KAT7: variants seen among roughly 807,000 people sequenced by gnomAD.
The protein encoded by KAT7 is histone acetyltransferase KAT7.
A neutral mutation model predicts 82.1 loss-of-function variants in KAT7; 10 were observed. The observed-to-expected ratio is 0.12, with a 90% CI of 0.08 to 0.21. KAT7 has a LOEUF of 0.21. Among genes scored for constraint, KAT7 ranks in the 10% least tolerant of loss-of-function variants. The pLI is 1.00. For missense variants in KAT7, 378 were observed against 760.9 expected, an observed-to-expected ratio of 0.50 and a Z score of 5.92; for synonymous variants, 250 against 262.5, an observed-to-expected ratio of 0.95 and a Z score of 0.46.
chr17:49,794,538 G>A (rs2073930482), intron 2 of KAT7, among the ~76,000 whole-genome samples: 1 of 152,084 alleles, frequency 6.6e-6, no homozygotes, highest in South Asian at 2.1e-4. Context: ...TGCCCGCCTC[G>A]GCCTCCCAAA....
chr17:49,826,158 A>T lies in KAT7; in HGVS notation c.1627+12A>T, dbSNP rs777934048. ...GATTTCTATCAAAGGTTGGTTTTTG[A>T]CTCCTTGGAATGGTTGATTGTTACC... On this transcript the variant is annotated intron_variant, in intron 13 of 14. Transcript: ENST00000259021. 6.2e-7 allele frequency: 1 copy of T among 1,611,602 alleles called. No homozygotes were observed. Among genetic ancestry groups the T allele is most frequent in the Non-Finnish European group, 8.5e-7 (1 of 1,178,260 alleles).
At chr17:49,796,626 A>T in intron 2 of KAT7, 124 bp from the exon 3 acceptor site, 1 of 668,712 alleles carries the variant, frequency 1.5e-6, no homozygotes, top group Middle Eastern at 4.4e-4. Context: ...TAGATATTTT[A>T]AGGATTTGTT....
chr17:49,803,262 C>A (rs965908204), intron 4 of KAT7, among the ~76,000 whole-genome samples: 1 of 151,632 alleles, frequency 6.6e-6, no homozygotes, highest in Non-Finnish European at 1.5e-5. Flanking sequence ...GCATGCATCA[C>A]CATGCTGGTC....
chr17:49,829,721 G>A lies in KAT7; in HGVS notation c.*2219G>A, dbSNP rs992715926. The A allele has an allele frequency of 1.3e-5, 2 of 152,140 alleles. No individual in the cohort carries two copies. Among genetic ancestry groups the A allele is most frequent in the African/African-American group, 4.8e-5 (2 of 41,420 alleles). The allele number at this position is 152,140 out of a possible 1,614,324, so 9.4% of individuals were successfully genotyped here. A position where few individuals can be genotyped will look rare whatever the true frequency, so the allele number is the denominator to read the frequency against. ...AGTAGTGGTGAGAACCCATACAGTT[G>A]AAGTTTTTTGCACAGTCCTGATCCC... is the stretch of plus-strand genomic sequence containing the variant. On this transcript the variant is annotated 3_prime_UTR_variant, in exon 15 of 15. Coordinates refer to ENST00000259021, the MANE Select transcript of KAT7 (RefSeq NM_007067.5).
intron 2 of KAT7, among the ~76,000 whole-genome samples, chr17:49,794,246 T>A (rs1240185546): frequency 6.6e-6 from 1 of 151,824 alleles, no homozygotes; most frequent in Non-Finnish European, 1.5e-5. Context: ...AGCCCAGAGG[T>A]GGGACAGCCA....
intron 8 of KAT7, 65 bp downstream of exon 8, chr17:49,815,978 T>C (rs910545662): frequency 2.2e-6 from 2 of 915,446 alleles, no homozygotes; most frequent in Admixed American, 1.9e-5. Flanking sequence ...CCAGGAAAAA[T>C]GATTGCAAAT....
At position 49,811,511 on chromosome 17, in the gene KAT7, A is replaced by T. The variant is rs1485878514; in HGVS notation, c.789A>T (p.Lys263Asn). Residue 263 changes from lysine to asparagine, a missense_variant, in exon 7 of 15, where the codon AAA becomes AAT. By Grantham distance (94) the Lys-to-Asn change is moderately conservative (BLOSUM62 0). Coordinates refer to ENST00000259021, the MANE Select transcript of KAT7 (RefSeq NM_007067.5). ...AGAGACAGCTTCGATATAAGGAAAAAGTGGCTGAACTCAGGAAGAAAAGAA... is the reference window on the plus strand; with the variant it reads ...AGAGACAGCTTCGATATAAGGAAAATGTGGCTGAACTCAGGAAGAAAAGAA... ...PTERQLRYKE[K>N]VAELRKKRNS... 6.4e-7 allele frequency: 1 copy of T among 1,555,768 alleles called. No individual in the cohort carries two copies. Among genetic ancestry groups the T allele is most frequent in the East Asian group, 2.3e-5 (1 of 42,856 alleles).
chr17:49,821,535 C>G (rs1693952115), intron 10 of KAT7, 109 bp downstream of exon 10: 1 of 1,513,120 alleles, frequency 6.6e-7, no homozygotes, highest in African/African-American at 1.4e-5. Context: ...GAACTCTTCT[C>G]TTGCCAAAAT....
At chr17:49,808,184 C>T (rs1479331849) in intron 5 of KAT7, among the ~76,000 whole-genome samples, 1 of 140,910 alleles carries the variant, frequency 7.1e-6, no homozygotes, top group Non-Finnish European at 1.5e-5. Flanking sequence ...TGCATTGGTG[C>T]AATCTCAGCT....
At chr17:49,823,733 T>C (rs576276042) in intron 12 of KAT7, 16 of 154,912 alleles carry the variant, frequency 1.0e-4, no homozygotes, top group South Asian at 4.0e-4. Flanking sequence ...GCTTACTCAC[T>C]AAATTTTATT....
rs2074416386 is a variant in KAT7, at chr17:49,830,449, A to G, written c.*2947A>G. 6.6e-6 allele frequency: 1 copy of G among 151,998 alleles called. No homozygotes were observed. Among genetic ancestry groups the G allele is most frequent in the South Asian group, 2.1e-4 (1 of 4,818 alleles). 9.4% of individuals were successfully genotyped at this position (151,998 alleles called of 1,614,324 possible). On this transcript the variant is annotated 3_prime_UTR_variant, in exon 15 of 15. Transcript: ENST00000259021. Reference sequence around the variant, plus strand: ...AGTGATCACCCGCCTCATCCTCCCAAAGTGCTGGGATTACAGCCGTGAGCC... The same window carrying G: ...AGTGATCACCCGCCTCATCCTCCCAGAGTGCTGGGATTACAGCCGTGAGCC...
At position 49,817,993 on chromosome 17, in the gene KAT7, G is replaced by A. The variant is rs760864168; in HGVS notation, c.1137G>A (p.Thr379=). The change falls in exon 9 of 15, where the codon ACG becomes ACA. Residue 379 remains threonine (T), a synonymous_variant. Transcript: ENST00000259021. The part of the protein sequence containing the change: ...EFCLKYMKSQ[T]ILRRHMAKCV... ...GTTTAAAATATATGAAGAGCCAAAC[G>A]ATACTCCGCCGGCACATGGTGAGTT... is the stretch of plus-strand genomic sequence containing the variant. 1.4e-5 allele frequency: 22 copies of A among 1,613,588 alleles called. No individual in the cohort carries two copies. Among genetic ancestry groups the A allele is most frequent in the East Asian group, 8.9e-5 (4 of 44,898 alleles).
At chr17:49,803,035 T>C (rs2074044041) in intron 4 of KAT7, among the ~76,000 whole-genome samples, 2 of 150,210 alleles carry the variant, frequency 1.3e-5, no homozygotes, top group Admixed American at 1.3e-4. Context: ...CAGCTGATGC[T>C]ACATTGTATG....
rs11544175 is a variant in KAT7 at position 49,791,948 on chromosome 17, C to T, written c.78C>T (p.His26=). The T allele has an allele frequency of 1.1e-4, 184 of 1,614,156 alleles. No homozygotes were observed. The highest frequency in any genetic ancestry group is 1.5e-4 in the Non-Finnish European group (175 of 1,179,992). The change falls in exon 2 of 15, where the codon CAC becomes CAT. Residue 26 remains histidine, a synonymous_variant. Transcript: ENST00000259021. ...CCGATTTTTCTACAGATCTCGAGCACACAGACAGTTCAGAAAGTGATGGCA... is the reference window on the plus strand; with the variant it reads ...CCGATTTTTCTACAGATCTCGAGCATACAGACAGTTCAGAAAGTGATGGCA... ...EDSDFSTDLE[H]TDSSESDGTS... is the part of the protein sequence containing the mutation.
chr17:49,811,611 C>G lies in KAT7; in HGVS notation c.852+37C>G, dbSNP rs200124844. 4.3e-5 allele frequency: 45 copies of G among 1,051,042 alleles called. No homozygotes were observed. In the East Asian group the frequency reaches 1.2e-3, roughly 28 times the overall value. The allele number at this position is 1,051,042 out of a possible 1,614,324, so 65.1% of individuals were successfully genotyped here. A position where few individuals can be genotyped will look rare whatever the true frequency, so the allele number is the denominator to read the frequency against. On this transcript the variant is annotated intron_variant, in intron 7 of 14. Transcript: ENST00000259021. ...TTAAATATTTAATGAGCATGAACTC[C>G]TGCTATCACATTTGATTCCTTTTGC...
At chr17:49,792,425 G>A (rs1210945937) in intron 2 of KAT7, among the ~76,000 whole-genome samples, 2 of 152,034 alleles carry the variant, frequency 1.3e-5, no homozygotes, top group Admixed American at 1.3e-4. Context: ...GATTTATGGT[G>A]GCTTGATTTA....
At position 49,829,917 on chromosome 17, in the gene KAT7, G is replaced by T. The variant is rs1390574207; in HGVS notation, c.*2415G>T. On this transcript the variant is annotated 3_prime_UTR_variant, in exon 15 of 15. Coordinates refer to ENST00000259021, the MANE Select transcript of KAT7 (RefSeq NM_007067.5). ...TTTTTTTGAGTCAGAGTCTGGCTCT[G>T]TTGCCCAGGTTGGAGTGCAGTGGCG... 4 of 149,336 alleles carry T rather than the reference G, an allele frequency of 2.7e-5. No individual in the cohort carries two copies. Among genetic ancestry groups the T allele is most frequent in the African/African-American group, 9.9e-5 (4 of 40,546 alleles). 9.3% of individuals were successfully genotyped at this position (149,336 alleles called of 1,614,324 possible).
At chr17:49,796,257 CT>C (rs1045886617) in intron 2 of KAT7, among the ~76,000 whole-genome samples, 24 of 152,046 alleles carry the variant, frequency 1.6e-4, no homozygotes, top group African/African-American at 5.8e-4. Context: ...GTTGTTATAT[CT>C]TTGGTAATAG....
chr17:49,821,553 G>A lies in KAT7; in HGVS notation c.1246-97G>A, dbSNP rs1422978964. Reference sequence around the variant, plus strand: ...CTCTTCTCTTGCCAAAATACACAATGTGTTTCATTAATAATTATGGTATGT... The same window carrying A: ...CTCTTCTCTTGCCAAAATACACAATATGTTTCATTAATAATTATGGTATGT... On this transcript the variant is annotated intron_variant, in intron 10 of 14. Coordinates refer to ENST00000259021, the MANE Select transcript of KAT7 (RefSeq NM_007067.5). 4.0e-5 allele frequency: 61 copies of A among 1,524,416 alleles called. No homozygotes were observed. In the Admixed American group the frequency reaches 1.0e-3, roughly 25 times the overall value. 94.4% of individuals were successfully genotyped at this position (1,524,416 alleles called of 1,614,324 possible).
Sources: allele counts gnomAD v4.1 joint callset (sites outside exome capture counted in the v4.1 genomes callset), GRCh38; gene constraint gnomAD v4.1.1; transcripts MANE v1.5; gene names NCBI Gene and HGNC (gene_info 2026-07-23, HGNC 2026-07-21).